The following DGKI variants were observed in gnomAD, a reference collection of about 807,000 sequenced individuals.
The protein encoded by DGKI is DAG kinase iota.
A neutral mutation model predicts 147.5 loss-of-function variants in DGKI; 55 were observed. The observed-to-expected ratio is 0.37, with a 90% CI of 0.30 to 0.47. The LOEUF is 0.47. DGKI is among the 20% of genes least tolerant of loss of function. The probability of loss-of-function intolerance (pLI) is 1.00; values close to 1 mark genes in which losing one functional copy is unlikely to be tolerated. For missense variants in DGKI, 1,007 were observed against 1,323.8 expected (o/e 0.76, Z 3.71); for synonymous variants, 469 against 477.1 (o/e 0.98, Z 0.22).
chr7:137,552,904 G>A (rs1818099554), intron 19 of DGKI, among the ~76,000 whole-genome samples: 1 of 151,988 alleles, frequency 6.6e-6, no homozygotes, highest in Admixed American at 6.6e-5. Flanking sequence ...AATAGAGCGA[G>A]ACTCCATCTC....
Position 137,587,136 on chromosome 7 carries a change from C to A in DGKI, c.1386G>T (p.Gly462=). 1 of 1,612,452 alleles carries A rather than the reference C, an allele frequency of 6.2e-7. No homozygotes were observed. ...GAGTTCGAGCCAGGTCATTCCCAGT[C>A]CCCAGAGGAAGGACCCCCACAGGAG... ...PQPPVGVLPL[G]TGNDLARTLN... is the part of the protein sequence containing the mutation. The change falls in exon 13 of 33, where the codon GGG becomes GGT. Residue 462 remains glycine (G), a synonymous_variant. Coordinates refer to ENST00000614521, the MANE Select transcript of DGKI (RefSeq NM_001321708.2).
intron 19 of DGKI, among the ~76,000 whole-genome samples, chr7:137,554,248 T>A (rs1196968798): frequency 6.6e-6 from 1 of 152,212 alleles, no homozygotes; most frequent in Non-Finnish European, 1.5e-5. Flanking sequence ...AGTAATTTTT[T>A]AAAACTTATT....
chr7:137,832,496 C>T (rs1272356423), intron 1 of DGKI, among the ~76,000 whole-genome samples: 2 of 152,232 alleles, frequency 1.3e-5, no homozygotes, highest in Admixed American at 1.3e-4. Flanking sequence ...TATACCTTGG[C>T]CCCTTTTAGC....
rs1483448499 is a variant in DGKI at position 137,384,128 on chromosome 7, A to G, written c.*7092T>C. On this transcript the variant is annotated 3_prime_UTR_variant, in exon 33 of 33. Coordinates refer to ENST00000614521, the MANE Select transcript of DGKI (RefSeq NM_001321708.2). ...TAACATTTTTTGTTGCAGCATTCAGAAATTATATCATCCTAATAGTGACTT... is the reference window on the plus strand; with the variant it reads ...TAACATTTTTTGTTGCAGCATTCAGGAATTATATCATCCTAATAGTGACTT... 1 of 152,042 alleles carries G rather than the reference A, an allele frequency of 6.6e-6. No homozygotes were observed. The highest frequency in any genetic ancestry group is 1.5e-5 in the Non-Finnish European group (1 of 67,956). 9.4% of individuals were successfully genotyped at this position (152,042 alleles called of 1,614,324 possible). A position where few individuals can be genotyped will look rare whatever the true frequency, so the allele number is the denominator to read the frequency against.
intron 30 of DGKI, among the ~76,000 whole-genome samples, chr7:137,406,344 G>T (rs1811946076): frequency 6.6e-6 from 1 of 152,124 alleles, no homozygotes; most frequent in South Asian, 2.1e-4. Flanking sequence ...AGGGAAATAG[G>T]AGATGGAATG....
At chr7:137,750,836 C>A (rs1425384298) in intron 1 of DGKI, among the ~76,000 whole-genome samples, 1 of 152,178 alleles carries the variant, frequency 6.6e-6, no homozygotes, top group Non-Finnish European at 1.5e-5. Flanking sequence ...TGCAAGACTT[C>A]ATGTTGATAT....
intron 1 of DGKI, among the ~76,000 whole-genome samples, chr7:137,749,285 T>G (rs1039001399): frequency 6.6e-6 from 1 of 152,142 alleles, no homozygotes; most frequent in African/African-American, 2.4e-5. Flanking sequence ...TAAAACAAGG[T>G]GAGGACCAGG....
At chr7:137,790,481 T>C (rs553887310) in intron 1 of DGKI, among the ~76,000 whole-genome samples, 38 of 152,362 alleles carry the variant, frequency 2.5e-4, no homozygotes, top group African/African-American at 8.2e-4. Context: ...TCCAACCAAC[T>C]GGCTGCTGCT....
chr7:137,394,165 A>G (rs1025158059), intron 32 of DGKI, among the ~76,000 whole-genome samples: 1 of 152,144 alleles, frequency 6.6e-6, no homozygotes, highest in Non-Finnish European at 1.5e-5. Context: ...GCTTATCAGA[A>G]TCCTCTATGG....
chr7:137,411,724 G>A (rs1812169806), intron 29 of DGKI, among the ~76,000 whole-genome samples: 1 of 152,138 alleles, frequency 6.6e-6, no homozygotes, highest in Non-Finnish European at 1.5e-5. Context: ...AAGGGGATCA[G>A]GGTTCTTGTT....
intron 12 of DGKI, among the ~76,000 whole-genome samples, chr7:137,591,444 A>T (rs990029463): frequency 2.0e-5 from 3 of 152,162 alleles, no homozygotes; most frequent in Admixed American, 6.5e-5. Flanking sequence ...TCTCTGGCTG[A>T]GGTGGGTCTA....
intron 32 of DGKI, among the ~76,000 whole-genome samples, chr7:137,392,424 G>T (rs1364769386): frequency 6.6e-6 from 1 of 152,122 alleles, no homozygotes; most frequent in Admixed American, 6.6e-5. Flanking sequence ...GAAGGGTAGA[G>T]GCATGATCAT....
intron 1 of DGKI, among the ~76,000 whole-genome samples, chr7:137,797,152 T>G (rs1797058280): frequency 6.6e-6 from 1 of 152,178 alleles, no homozygotes; most frequent in South Asian, 2.1e-4. Flanking sequence ...ATGACATATT[T>G]AAAAGGCTGG....
At chr7:137,605,375 T>TAAAATAAAAA (rs1820148352) in intron 10 of DGKI, among the ~76,000 whole-genome samples, 2 of 146,010 alleles carry the variant, frequency 1.4e-5, no homozygotes, top group African/African-American at 5.2e-5. Context: ...TAAAATAAAA[T>TAAAATAAAAA]AAAAAAAGTT....
At chr7:137,676,646 T>C (rs1823048571) in intron 3 of DGKI, among the ~76,000 whole-genome samples, 1 of 152,202 alleles carries the variant, frequency 6.6e-6, no homozygotes, top group Admixed American at 6.5e-5. Context: ...GCCAAGTACC[T>C]GGTATGAAAT....
chr7:137,633,173 T>C (rs142270541), intron 6 of DGKI, among the ~76,000 whole-genome samples: 3,385 of 146,070 alleles, frequency 0.023, 109 homozygotes, highest in African/African-American at 0.079. Flanking sequence ...GATTGCGCCA[T>C]TGCACTCCAG....
At chr7:137,487,561 A>G in intron 22 of DGKI, 49 bp downstream of exon 22, 1 of 1,496,568 alleles carries the variant, frequency 6.7e-7, no homozygotes, top group Non-Finnish European at 9.3e-7. Context: ...GTAATTGTTT[A>G]CAAAAATGGA....
At chr7:137,844,877 G>A (rs1798663596) in intron 1 of DGKI, among the ~76,000 whole-genome samples, 1 of 152,138 alleles carries the variant, frequency 6.6e-6, no homozygotes, top group Non-Finnish European at 1.5e-5. Flanking sequence ...AGCCTACACT[G>A]TGCTTCATGT....
intron 1 of DGKI, among the ~76,000 whole-genome samples, chr7:137,696,058 C>T (rs1442170306): frequency 6.6e-6 from 1 of 152,198 alleles, no homozygotes; most frequent in Admixed American, 6.5e-5. Flanking sequence ...GCCCCCACAG[C>T]ACCAGCCAAA....
Sources: gnomAD v4.1 joint callset for allele counts (sites outside exome capture counted in the v4.1 genomes callset) on GRCh38, gnomAD v4.1.1 for gene constraint, MANE v1.5 for transcripts, NCBI Gene and HGNC (gene_info 2026-07-23, HGNC 2026-07-21) for gene names.